The following EEA1 variants were observed in gnomAD, a reference collection of about 807,000 sequenced individuals.
The protein encoded by EEA1 is early endosome antigen 1, 162kD.
A neutral mutation model predicts 209.2 loss-of-function variants in EEA1; 111 were observed. The ratio of observed to expected loss-of-function variants is 0.53; its 90% CI spans 0.45 to 0.62. The LOEUF is 0.62. EEA1 is among the 20% of genes least tolerant of loss of function. EEA1 has a pLI of 0.00. For synonymous variants in EEA1, 536 were observed against 540.6 expected (o/e 0.99, Z 0.12); for missense variants, 1,343 against 1,530.8 (o/e 0.88, Z 2.05).
chr12:92,890,744 CTCGCA>C (rs1203057732), intron 2 of EEA1, among the ~76,000 whole-genome samples: 1 of 152,176 alleles, frequency 6.6e-6, no homozygotes, highest in Non-Finnish European at 1.5e-5. Context: ...TTCCTCCCCT[CTCGCA>C]AATCTGTAAA....
chr12:92,827,815 A>G, intron 12 of EEA1, 97 bp downstream of exon 12: 2 of 1,311,070 alleles, frequency 1.5e-6, no homozygotes, highest in Non-Finnish European at 2.0e-6. Flanking sequence ...TGCACTTTAA[A>G]AAGTCCAATT....
intron 23 of EEA1, 115 bp downstream of exon 23, chr12:92,781,835 G>C (rs998120647): frequency 1.1e-6 from 1 of 881,398 alleles, no homozygotes; most frequent in Non-Finnish European, 1.6e-6. Context: ...AGGTCCCTCT[G>C]AGAGAGCTGT....
At chr12:92,823,998 T>G (rs74815370) in intron 13 of EEA1, among the ~76,000 whole-genome samples, 6,505 of 152,288 alleles carry the variant, frequency 0.043, 169 homozygotes, top group Middle Eastern at 0.082. Context: ...TCAAACTTTT[T>G]TCTTCCCATT....
chr12:92,914,457 C>G (rs1485713690), intron 1 of EEA1, among the ~76,000 whole-genome samples: 2 of 152,070 alleles, frequency 1.3e-5, no homozygotes, highest in Non-Finnish European at 2.9e-5. Context: ...GTTATTCGCT[C>G]TCTTTTTTGG....
chr12:92,914,665 AT>A (rs1275187896), intron 1 of EEA1, among the ~76,000 whole-genome samples: 1,552 of 140,942 alleles, frequency 0.011, 18 homozygotes, highest in African/African-American at 0.035. Context: ...TGTCTCTACA[AT>A]TTTTTTTTTT....
chr12:92,832,622 A>G lies in EEA1; in HGVS notation c.1144T>C (p.Ser382Pro), dbSNP rs754871046. ...EATQKLKEELSEVETKYQHLK... is the reference protein window; with the variant it reads ...EATQKLKEELPEVETKYQHLK... ...TGCTGGTACTTGGTCTCTACCTCAG[A>G]TAATTCTTCTTTGAGCTTTTGAGTA... Residue 382 changes from serine to proline, a missense_variant, in exon 11 of 29, where the codon TCT (serine) becomes CCT (proline). By Grantham distance (74) the Ser-to-Pro change is moderately conservative. Around this residue, in one of 3 missense-constraint regions of EEA1, gnomAD observed 1,307 missense variants for 1,465.5 expected, o/e 0.89. Transcript: ENST00000322349. 2 of 1,614,038 alleles carry G rather than the reference A, an allele frequency of 1.2e-6. No individual in the cohort carries two copies. The highest frequency in any genetic ancestry group is 2.2e-5 in the South Asian group (2 of 91,070).
intron 13 of EEA1, among the ~76,000 whole-genome samples, chr12:92,823,645 T>C (rs1158121602): frequency 6.6e-6 from 1 of 152,222 alleles, no homozygotes; most frequent in Admixed American, 6.5e-5. Context: ...CTTTTCATGT[T>C]TCCATAATGA....
intron 8 of EEA1, among the ~76,000 whole-genome samples, chr12:92,851,606 G>A (rs7980951): frequency 0.26 from 39,194 of 151,870 alleles, 5,556 homozygotes; most frequent in Non-Finnish European, 0.32. Flanking sequence ...TACAAAACTG[G>A]TAATAAAAAT....
At chr12:92,854,954 T>C (rs924327) in intron 5 of EEA1, among the ~76,000 whole-genome samples, 140,956 of 152,232 alleles carry the variant, frequency 0.93, 65,345 homozygotes, top group East Asian at 1. Flanking sequence ...GTTATTTCTC[T>C]CCCTTTTAAG....
At chr12:92,833,229 T>G (rs1876743034) in intron 10 of EEA1, among the ~76,000 whole-genome samples, 1 of 152,220 alleles carries the variant, frequency 6.6e-6, no homozygotes, top group African/African-American at 2.4e-5. Flanking sequence ...CTTTGATTTT[T>G]CACTGTGCAA....
Position 92,777,651 on chromosome 12 carries a change from T to C in EEA1, c.3906A>G (p.Gly1302=), listed in dbSNP as rs368022981. 168 of 1,611,468 alleles carry C rather than the reference T, an allele frequency of 1.0e-4. No individual in the cohort carries two copies. The highest frequency in any genetic ancestry group is 1.4e-4 in the Non-Finnish European group (160 of 1,178,620). Residue 1302 remains glycine (G), a synonymous_variant, in exon 27 of 29, where the codon GGA becomes GGG. Coordinates refer to ENST00000322349, the MANE Select transcript of EEA1 (RefSeq NM_003566.4). The part of the protein sequence containing the change: ...RRALLERCLK[G]EGEIEKLQTK... ...TTTGAAGCTTTTCTATTTCACCTTC[T>C]CCTTTAAGACATCTGGAATAGATTG...
intron 18 of EEA1, among the ~76,000 whole-genome samples, chr12:92,804,179 G>T (rs1431642442): frequency 6.6e-6 from 1 of 152,122 alleles, no homozygotes; most frequent in Non-Finnish European, 1.5e-5. Flanking sequence ...TGTGCACATG[G>T]AAAATTAATT....
At chr12:92,820,261 G>T (rs1487792105) in intron 13 of EEA1, among the ~76,000 whole-genome samples, 1 of 151,922 alleles carries the variant, frequency 6.6e-6, no homozygotes, top group African/African-American at 2.4e-5. Context: ...TACCCCAAAA[G>T]AACTCTTCCA....
At position 92,775,066 on chromosome 12, in the gene EEA1, A is replaced by T. The variant is rs1873598093; in HGVS notation, c.*945T>A. 1 of 151,742 alleles carries T rather than the reference A, an allele frequency of 6.6e-6. No individual in the cohort carries two copies. The highest frequency in any genetic ancestry group is 6.6e-5 in the Admixed American group (1 of 15,210). 9.4% of individuals were successfully genotyped at this position (151,742 alleles called of 1,614,324 possible). On this transcript the variant is annotated 3_prime_UTR_variant, in exon 29 of 29. Coordinates refer to ENST00000322349, the MANE Select transcript of EEA1 (RefSeq NM_003566.4). ...AAAAAATCAGATCTATGTAAAAAGC[A>T]AACTCAGGTTCCTGAAGATGCTAGA...
chr12:92,777,421 A>G, intron 27 of EEA1, 122 bp downstream of exon 27: 1 of 1,104,614 alleles, frequency 9.1e-7, no homozygotes, highest in Non-Finnish European at 1.3e-6. Context: ...ATACTGCTAA[A>G]CAGAGAGTAG....
At chr12:92,810,558 TTA>T (rs1491276049) in intron 17 of EEA1, among the ~76,000 whole-genome samples, 2 of 152,100 alleles carry the variant, frequency 1.3e-5, no homozygotes, top group Non-Finnish European at 2.9e-5. Flanking sequence ...GACTCTAAAC[TTA>T]TACACACACG....
intron 10 of EEA1, among the ~76,000 whole-genome samples, chr12:92,838,883 T>C (rs12301957): frequency 0.097 from 14,810 of 152,190 alleles, 819 homozygotes; most frequent in South Asian, 0.2. Context: ...AAAGTACTCA[T>C]GTGATTGAGT....
At chr12:92,861,881 G>A (rs538763102) in intron 3 of EEA1, among the ~76,000 whole-genome samples, 302 of 152,166 alleles carry the variant, frequency 2.0e-3, no homozygotes, top group African/African-American at 6.8e-3. Context: ...GGTGGCAAGC[G>A]CTCAATTTTC....
At position 92,884,960 on chromosome 12, in the gene EEA1, A is replaced by ATTTT. The variant is rs3064991; in HGVS notation, c.117+6665_117+6668dup. ...ATTCCAACAAAGGGTTTCAATGTAG[A>ATTTT]TTTTTTTTTTTTTTTGCAAACATGC... is the stretch of plus-strand genomic sequence containing the variant. On this transcript the variant is annotated intron_variant, in intron 2 of 28. Coordinates refer to ENST00000322349, the MANE Select transcript of EEA1 (RefSeq NM_003566.4). Among the ~76,000 whole-genome samples, 65 of 144,718 alleles carry ATTTT rather than the reference A, an allele frequency of 4.5e-4. 1 individual carries two copies. Among genetic ancestry groups the ATTTT allele is most frequent in the Non-Finnish European group, 6.6e-4 (44 of 66,718 alleles). 94.9% of individuals were successfully genotyped at this position (144,718 alleles called of 152,430 possible). A position where few individuals can be genotyped will look rare whatever the true frequency, so the allele number is the denominator to read the frequency against.
Sources: gnomAD v4.1 joint callset for allele counts (sites outside exome capture counted in the v4.1 genomes callset) on GRCh38, gnomAD v4.1.1 for gene constraint, gnomAD v4.1.1 regional missense constraint, MANE v1.5 for transcripts, NCBI Gene and HGNC (gene_info 2026-07-23, HGNC 2026-07-21) for gene names.